AKAP7: variants seen among roughly 807,000 people sequenced by gnomAD.
The protein encoded by AKAP7 is A-kinase anchoring protein 7.
In AKAP7, 39 loss-of-function variants were observed where a neutral mutation model predicts 39.5. The ratio of observed to expected loss-of-function variants is 0.99; its 90% CI spans 0.76 to 1.29. AKAP7 has a LOEUF of 1.29. Among genes scored for constraint, AKAP7 ranks in the 50% most tolerant of loss-of-function variants. The pLI is 0.00. For synonymous variants in AKAP7, 140 were observed against 139.1 expected, an observed-to-expected ratio of 1.01 and a Z score of -0.05; for missense variants, 414 against 407.7, an observed-to-expected ratio of 1.02 and a Z score of -0.13.
At chr6:131,168,585 A>G (rs1803727460) in intron 4 of AKAP7, among the ~76,000 whole-genome samples, 1 of 152,222 alleles carries the variant, frequency 6.6e-6, no homozygotes, top group African/African-American at 2.4e-5. Context: ...ATTGGGGAAT[A>G]TAATTAAACT....
At chr6:131,159,487 A>G (rs1470381325) in intron 2 of AKAP7, among the ~76,000 whole-genome samples, 1 of 152,230 alleles carries the variant, frequency 6.6e-6, no homozygotes, top group Non-Finnish European at 1.5e-5. Flanking sequence ...ATGAAATAAA[A>G]GAAAAGACCT....
intron 7 of AKAP7, among the ~76,000 whole-genome samples, chr6:131,239,303 G>T (rs1021286101): frequency 6.6e-6 from 1 of 152,182 alleles, no homozygotes; most frequent in Non-Finnish European, 1.5e-5. Flanking sequence ...GCTTCCCTTT[G>T]TGGGTAACCC....
Position 131,135,730 on chromosome 6 carries a change from C to A in AKAP7, c.-34C>A. ...CGCGGCCCGCCACCGCCGCTGCCGC[C>A]AGCCCAGACGCGCCGCCCGCATGCG... On this transcript the variant is annotated 5_prime_UTR_variant, in exon 1 of 8. Coordinates refer to ENST00000431975, the MANE Select transcript of AKAP7 (RefSeq NM_016377.4). 1 of 1,215,098 alleles carries A rather than the reference C, an allele frequency of 8.2e-7. No individual in the cohort carries two copies. The highest frequency in any genetic ancestry group is 1.0e-6 in the Non-Finnish European group (1 of 979,394). The allele number at this position is 1,215,098 out of a possible 1,614,324, so 75.3% of individuals were successfully genotyped here. A position where few individuals can be genotyped will look rare whatever the true frequency, so the allele number is the denominator to read the frequency against.
chr6:131,262,305 C>T (rs1813412543), intron 7 of AKAP7, among the ~76,000 whole-genome samples: 1 of 152,124 alleles, frequency 6.6e-6, no homozygotes, highest in Admixed American at 6.5e-5. Context: ...TTAGCAGATC[C>T]AGCGGGCAAA....
intron 5 of AKAP7, among the ~76,000 whole-genome samples, chr6:131,175,898 C>T (rs1804526049): frequency 6.6e-6 from 1 of 152,164 alleles, no homozygotes; most frequent in African/African-American, 2.4e-5. Flanking sequence ...CTATCCACTT[C>T]TTCATCAAAC....
At chr6:131,144,940 A>G (rs1433268424) in intron 1 of AKAP7, among the ~76,000 whole-genome samples, 2 of 152,320 alleles carry the variant, frequency 1.3e-5, no homozygotes, top group Middle Eastern at 3.4e-3. Context: ...ATGACTGACA[A>G]ACCTTGCTGG....
intron 7 of AKAP7, among the ~76,000 whole-genome samples, chr6:131,275,105 C>T (rs971123243): frequency 3.3e-5 from 5 of 152,054 alleles, no homozygotes; most frequent in African/African-American, 7.2e-5. Context: ...AGTAGTGGTA[C>T]GTAATAGGTG....
At chr6:131,200,952 T>G (rs1807501402) in intron 6 of AKAP7, 1 of 152,204 alleles carries the variant, frequency 6.6e-6, no homozygotes. Context: ...CTTTATAATA[T>G]TAACTTTGAA....
chr6:131,148,376 C>T (rs903022900), intron 2 of AKAP7, among the ~76,000 whole-genome samples: 6 of 152,120 alleles, frequency 3.9e-5, no homozygotes, highest in East Asian at 1.9e-4. Flanking sequence ...ACATGGGCAG[C>T]GTGGTGCAAA....
chr6:131,245,969 A>G (rs1159362836), intron 7 of AKAP7, among the ~76,000 whole-genome samples: 1 of 151,966 alleles, frequency 6.6e-6, no homozygotes, highest in Non-Finnish European at 1.5e-5. Flanking sequence ...GCCTCAGAAG[A>G]TTGGGAATTT....
intron 3 of AKAP7, chr6:131,164,280 G>T: frequency 4.7e-6 from 2 of 427,600 alleles, no homozygotes; most frequent in Non-Finnish European, 4.7e-6. Context: ...TTTTTTTTCT[G>T]GGTTTGCTAT....
chr6:131,181,739 G>A (rs1805267660), intron 5 of AKAP7, among the ~76,000 whole-genome samples: 1 of 152,112 alleles, frequency 6.6e-6, no homozygotes, highest in Non-Finnish European at 1.5e-5. Context: ...ACTGGGCCAT[G>A]TCATGTCTTC....
At chr6:131,248,299 G>T (rs1277303904) in intron 7 of AKAP7, among the ~76,000 whole-genome samples, 1 of 152,280 alleles carries the variant, frequency 6.6e-6, no homozygotes, top group East Asian at 1.9e-4. Context: ...CTGACCAGGA[G>T]GCATGAGTTT....
intron 7 of AKAP7, among the ~76,000 whole-genome samples, chr6:131,271,315 CTTT>C (rs1814254524): frequency 6.6e-6 from 1 of 152,000 alleles, no homozygotes; most frequent in African/African-American, 2.4e-5. Context: ...AAAGATTATT[CTTT>C]TTTAATTGCC....
intron 7 of AKAP7, among the ~76,000 whole-genome samples, chr6:131,275,325 A>C (rs184660395): frequency 6.6e-6 from 1 of 152,306 alleles, no homozygotes; most frequent in Admixed American, 6.5e-5. Context: ...TGATACCCCA[A>C]CTTTGGTTTA....
intron 5 of AKAP7, among the ~76,000 whole-genome samples, chr6:131,193,788 G>T (rs2128275892): frequency 6.6e-6 from 1 of 152,176 alleles, no homozygotes; most frequent in East Asian, 1.9e-4. Context: ...TAGATTGTAT[G>T]TGTCTAGGAA....
At chr6:131,235,932 GC>G (rs1811016577) in intron 7 of AKAP7, among the ~76,000 whole-genome samples, 1 of 152,088 alleles carries the variant, frequency 6.6e-6, no homozygotes. Context: ...GTCAATTTTG[GC>G]TTTTGTTGCC....
Position 131,282,621 on chromosome 6 carries a change from G to GT in AKAP7, c.*896dup. ...TTGACATAAGCTCTACATTGCGATT[G>GT]TGACAACATAGCTTATGAAATCTTT... On this transcript the variant is annotated 3_prime_UTR_variant, in exon 8 of 8. Transcript: ENST00000431975. 6.6e-7 allele frequency: 1 copy of GT among 1,517,430 alleles called. No individual in the cohort carries two copies. Among genetic ancestry groups the GT allele is most frequent in the South Asian group, 1.2e-5 (1 of 83,022 alleles). The allele number at this position is 1,517,430 out of a possible 1,614,324, so 94.0% of individuals were successfully genotyped here. A position where few individuals can be genotyped will look rare whatever the true frequency, so the allele number is the denominator to read the frequency against.
intron 5 of AKAP7, among the ~76,000 whole-genome samples, chr6:131,175,465 C>T (rs920954909): frequency 3.3e-5 from 5 of 152,186 alleles, no homozygotes; most frequent in Middle Eastern, 3.4e-3. Flanking sequence ...AAAAAAGGAA[C>T]CAATTTCAGA....
Sources: allele counts gnomAD v4.1 joint callset (sites outside exome capture counted in the v4.1 genomes callset), GRCh38; gene constraint gnomAD v4.1.1; transcripts MANE v1.5; gene names NCBI Gene and HGNC (gene_info 2026-07-23, HGNC 2026-07-21).